Variants in MDGA2 observed in about 807,000 individuals in gnomAD.
MDGA2 encodes the protein MAM domain containing glycosylphosphatidylinositol anchor 2.
In MDGA2, 40 loss-of-function variants were observed where a neutral mutation model predicts 117.8. The observed-to-expected ratio is 0.34, with a 90% CI of 0.26 to 0.44. MDGA2 has a LOEUF of 0.44. MDGA2 is among the 20% of genes least tolerant of loss of function. The pLI, the probability that MDGA2 is intolerant of heterozygous loss-of-function variation, is 1.00. For synonymous variants in MDGA2, 452 were observed against 439.0 expected (o/e 1.03, Z -0.37); for missense variants, 1,123 against 1,250.6 (o/e 0.90, Z 1.54).
chr14:47,606,743 A>T (rs574228796), intron 1 of MDGA2, among the ~76,000 whole-genome samples: 1 of 152,324 alleles, frequency 6.6e-6, no homozygotes, highest in South Asian at 2.1e-4. Context: ...GGTTTGTAGG[A>T]CAAAAAGAGC....
At chr14:47,544,039 G>A (rs934866233) in intron 1 of MDGA2, among the ~76,000 whole-genome samples, 1 of 152,132 alleles carries the variant, frequency 6.6e-6, no homozygotes, top group Non-Finnish European at 1.5e-5. Context: ...ATATCTTGAA[G>A]CTTTGAGAAC....
At chr14:47,342,881 T>TG in intron 1 of MDGA2, 1 of 396,388 alleles carries the variant, frequency 2.5e-6, no homozygotes, top group Non-Finnish European at 4.9e-6. Flanking sequence ...AGGTTCCGTG[T>TG]GGGGGAAAAA....
chr14:46,998,483 C>G (rs1887382151), intron 8 of MDGA2, among the ~76,000 whole-genome samples: 1 of 152,004 alleles, frequency 6.6e-6, no homozygotes, highest in Admixed American at 6.6e-5. Context: ...GTTACATAAA[C>G]TTCTGTATTT....
intron 6 of MDGA2, 133 bp from the exon 7 acceptor site, chr14:47,061,711 C>A: frequency 2.7e-6 from 2 of 730,684 alleles, no homozygotes; most frequent in Non-Finnish European, 2.1e-6. Flanking sequence ...TTTTTTATAT[C>A]CAAGTTGTGT....
chr14:47,120,423 C>T (rs1881588533), intron 5 of MDGA2, among the ~76,000 whole-genome samples: 1 of 152,064 alleles, frequency 6.6e-6, no homozygotes, highest in East Asian at 1.9e-4. Flanking sequence ...CAGTAGAATA[C>T]AGCAACTAAA....
At chr14:47,049,234 C>T (rs11624702) in intron 7 of MDGA2, among the ~76,000 whole-genome samples, 66,387 of 151,768 alleles carry the variant, frequency 0.44, 15,102 homozygotes, top group East Asian at 0.55. Flanking sequence ...ACTTCACATA[C>T]TTAAATTACC....
chr14:47,144,815 A>ATTTTTTTT (rs60842690), intron 3 of MDGA2, among the ~76,000 whole-genome samples: 1 of 130,458 alleles, frequency 7.7e-6, no homozygotes. Flanking sequence ...TGCCCGGCTA[A>ATTTTTTTT]TTTTTTTTTT....
At chr14:47,647,085 G>A (rs993898455) in intron 1 of MDGA2, among the ~76,000 whole-genome samples, 20 of 151,958 alleles carry the variant, frequency 1.3e-4, no homozygotes, top group African/African-American at 4.8e-4. Context: ...CATCATATAT[G>A]GTATTCTAAT....
chr14:47,250,692 T>C (rs1887416635), intron 2 of MDGA2, among the ~76,000 whole-genome samples: 1 of 152,208 alleles, frequency 6.6e-6, no homozygotes, highest in Non-Finnish European at 1.5e-5. Context: ...ATTTCTGTTG[T>C]TTATAAACCA....
At chr14:47,089,252 G>A (rs758242823) in intron 6 of MDGA2, among the ~76,000 whole-genome samples, 6 of 152,086 alleles carry the variant, frequency 3.9e-5, no homozygotes, top group Non-Finnish European at 8.8e-5. Flanking sequence ...AATTTGAATC[G>A]CTCCTTGGCT....
At chr14:47,359,245 T>C (rs1375123317) in intron 1 of MDGA2, among the ~76,000 whole-genome samples, 1 of 152,044 alleles carries the variant, frequency 6.6e-6, no homozygotes, top group Non-Finnish European at 1.5e-5. Context: ...TCCCAGCTAC[T>C]CAGGAGACTG....
At chr14:47,015,836 C>T (rs1315044463) in intron 8 of MDGA2, among the ~76,000 whole-genome samples, 1 of 151,840 alleles carries the variant, frequency 6.6e-6, no homozygotes, top group Admixed American at 6.6e-5. Context: ...AAAAAATAAA[C>T]CCCCAAAATG....
At chr14:46,922,078 G>T (rs1055899221) in intron 9 of MDGA2, among the ~76,000 whole-genome samples, 17 of 151,614 alleles carry the variant, frequency 1.1e-4, no homozygotes, top group African/African-American at 2.4e-4. Context: ...ACAACTAGGG[G>T]TTTTTTTTAG....
intron 1 of MDGA2, among the ~76,000 whole-genome samples, chr14:47,648,208 C>G (rs776983280): frequency 3.3e-5 from 5 of 152,098 alleles, no homozygotes; most frequent in Non-Finnish European, 5.9e-5. Flanking sequence ...TGTTTTTAAT[C>G]TAGGCTTTCA....
intron 3 of MDGA2, among the ~76,000 whole-genome samples, chr14:47,162,865 T>C (rs1883701621): frequency 6.6e-6 from 1 of 152,222 alleles, no homozygotes; most frequent in Admixed American, 6.5e-5. Flanking sequence ...GTTAAGAAAT[T>C]ATGATTTTCA....
intron 1 of MDGA2, among the ~76,000 whole-genome samples, chr14:47,411,152 G>A: frequency 6.6e-6 from 1 of 152,024 alleles, no homozygotes; most frequent in East Asian, 1.9e-4. Context: ...TGATTTGTAG[G>A]TTGCAAAAAG....
Position 47,039,168 on chromosome 14 carries a change from T to C in MDGA2, c.1526-3864A>G, listed in dbSNP as rs1888971380. Among the ~76,000 whole-genome samples, 5 of 152,310 alleles carry C rather than the reference T, an allele frequency of 3.3e-5. No individual in the cohort carries two copies. In the South Asian group the frequency reaches 1.0e-3, roughly 32 times the overall value. On this transcript the variant is annotated intron_variant, in intron 7 of 16. Transcript: ENST00000399232. ...TCTCATTTGTTCTCATAGACTTCTG[T>C]TTTACGTGTTGATAATAACAAATTA...
intron 10 of MDGA2, among the ~76,000 whole-genome samples, chr14:46,911,706 A>G (rs1883711658): frequency 6.6e-6 from 1 of 152,226 alleles, no homozygotes; most frequent in African/African-American, 2.4e-5. Context: ...ATATCTAAAC[A>G]AGAGTAAAGA....
At chr14:46,976,208 C>A (rs748018534) in intron 8 of MDGA2, among the ~76,000 whole-genome samples, 57 of 151,994 alleles carry the variant, frequency 3.8e-4, no homozygotes, top group Non-Finnish European at 5.7e-4. Flanking sequence ...TTTGAGATGG[C>A]AAATTTTATA....
Sources: gnomAD v4.1 joint callset for allele counts (sites outside exome capture counted in the v4.1 genomes callset) on GRCh38, gnomAD v4.1.1 for gene constraint, MANE v1.5 for transcripts, NCBI Gene and HGNC (gene_info 2026-07-23, HGNC 2026-07-21) for gene names.